Variants in RNF220 observed in about 807,000 individuals in gnomAD.
The protein encoded by RNF220 is E3 ubiquitin-protein ligase RNF220.
Under a neutral mutation model 67.1 loss-of-function variants are expected in RNF220, and 7 were observed. The ratio of observed to expected loss-of-function variants is 0.10; its 90% CI spans 0.06 to 0.20. RNF220 has a LOEUF of 0.20. Ranked by LOEUF, RNF220 falls within the 10% of genes least tolerant of loss-of-function variation. The pLI, the probability that RNF220 is intolerant of heterozygous loss-of-function variation, is 1.00. For missense variants in RNF220, 565 were observed against 740.3 expected (o/e 0.76, Z 2.75); for synonymous variants, 270 against 283.2 (o/e 0.95, Z 0.47).
intron 2 of RNF220, among the ~76,000 whole-genome samples, chr1:44,439,389 T>C (rs1295961245): frequency 6.6e-6 from 1 of 152,092 alleles, no homozygotes; most frequent in Non-Finnish European, 1.5e-5. Context: ...TTCCATCTTT[T>C]TCTAATTGAT....
intron 2 of RNF220, among the ~76,000 whole-genome samples, chr1:44,422,335 T>A (rs571313688): frequency 7.4e-5 from 11 of 147,956 alleles, no homozygotes; most frequent in Admixed American, 2.0e-4. Flanking sequence ...GCAGTAAAAT[T>A]AAAAAAAAAA....
chr1:44,636,811 G>A (rs1038232147), intron 8 of RNF220, among the ~76,000 whole-genome samples: 13 of 152,236 alleles, frequency 8.5e-5, no homozygotes, highest in African/African-American at 2.9e-4. Context: ...ACAAAGGAGT[G>A]TGCAGGGCCC....
At chr1:44,625,618 A>G (rs953117620) in intron 4 of RNF220, among the ~76,000 whole-genome samples, 1 of 152,146 alleles carries the variant, frequency 6.6e-6, no homozygotes. Context: ...CCCAGTTTGC[A>G]GCTGAACAGG....
rs1210316061 is a variant in RNF220, at chr1:44,525,056, C to T, written c.626-89109C>T. 3.3e-5 allele frequency among the ~76,000 whole-genome samples: 5 copies of T among 152,140 alleles called. No homozygotes were observed. In the South Asian group the frequency reaches 8.3e-4, roughly 25 times the overall value. On this transcript the variant is annotated intron_variant, in intron 2 of 14. Transcript: ENST00000361799. ...AGGGCTGATAACAAGCAAAATTCTTCTCTGTGGGTTTCACTGGAAATGTGA... is the reference window on the plus strand; with the variant it reads ...AGGGCTGATAACAAGCAAAATTCTTTTCTGTGGGTTTCACTGGAAATGTGA...
intron 2 of RNF220, among the ~76,000 whole-genome samples, chr1:44,527,280 T>A (rs1164121174): frequency 6.6e-6 from 1 of 151,970 alleles, no homozygotes; most frequent in African/African-American, 2.4e-5. Context: ...ATCAGCACCA[T>A]CTAACCACAC....
At chr1:44,612,776 A>G (rs1393462779) in intron 2 of RNF220, among the ~76,000 whole-genome samples, 3 of 151,272 alleles carry the variant, frequency 2.0e-5, no homozygotes, top group Non-Finnish European at 4.4e-5. Flanking sequence ...AAAAAAATTT[A>G]TTATCTGAAA....
intron 2 of RNF220, among the ~76,000 whole-genome samples, chr1:44,527,941 A>AG (rs1171418640): frequency 2.0e-5 from 3 of 149,440 alleles, no homozygotes. Context: ...AAAAAAAAAA[A>AG]AAAAAAAAAA....
chr1:44,463,250 G>A (rs376267383), intron 2 of RNF220, among the ~76,000 whole-genome samples: 2 of 151,418 alleles, frequency 1.3e-5, no homozygotes, highest in Non-Finnish European at 1.5e-5. Flanking sequence ...CAGAAGAATC[G>A]TTTCAACCCG....
chr1:44,644,373 G>C, intron 8 of RNF220: 1 of 258,332 alleles, frequency 3.9e-6, no homozygotes, highest in Admixed American at 4.9e-5. Context: ...TCCTCTTACT[G>C]TTCTTCCTAG....
At chr1:44,429,645 A>C (rs1650147786) in intron 2 of RNF220, among the ~76,000 whole-genome samples, 1 of 152,226 alleles carries the variant, frequency 6.6e-6, no homozygotes, top group South Asian at 2.1e-4. Context: ...GGAAAACTTG[A>C]AGATGGAGGT....
At chr1:44,494,677 T>C (rs572161487) in intron 2 of RNF220, among the ~76,000 whole-genome samples, 4 of 152,284 alleles carry the variant, frequency 2.6e-5, no homozygotes, top group African/African-American at 9.6e-5. Flanking sequence ...GAAAAAAATA[T>C]CTGCAAAAGA....
intron 2 of RNF220, among the ~76,000 whole-genome samples, chr1:44,512,722 G>C (rs1382877738): frequency 6.6e-6 from 1 of 152,226 alleles, no homozygotes; most frequent in African/African-American, 2.4e-5. Context: ...GGCAGGAGTG[G>C]AGAGGCATGC....
At chr1:44,634,048 G>T (rs1644251092) in intron 6 of RNF220, among the ~76,000 whole-genome samples, 1 of 152,242 alleles carries the variant, frequency 6.6e-6, no homozygotes, top group South Asian at 2.1e-4. Flanking sequence ...CAAACTCCAT[G>T]CCCAGTTCTG....
chr1:44,643,071 C>T (rs1044133652), intron 8 of RNF220: 1 of 152,530 alleles, frequency 6.6e-6, no homozygotes, highest in Non-Finnish European at 1.5e-5. Context: ...TGCTGCTGAC[C>T]TGACCTGCCT....
intron 2 of RNF220, among the ~76,000 whole-genome samples, chr1:44,524,327 A>G (rs1660187688): frequency 6.6e-6 from 1 of 151,930 alleles, no homozygotes. Context: ...GCAGGGTGAG[A>G]GCCCACCCTC....
intron 2 of RNF220, among the ~76,000 whole-genome samples, chr1:44,486,784 C>T (rs1233216070): frequency 6.6e-6 from 1 of 152,130 alleles, no homozygotes; most frequent in Non-Finnish European, 1.5e-5. Context: ...CCACCACCTC[C>T]TAGCTGTGTG....
intron 2 of RNF220, among the ~76,000 whole-genome samples, chr1:44,452,404 A>T (rs1652780167): frequency 6.6e-6 from 1 of 151,970 alleles, no homozygotes; most frequent in South Asian, 2.1e-4. Context: ...AAATACAAAA[A>T]TTAGCCGGGC....
intron 3 of RNF220, among the ~76,000 whole-genome samples, chr1:44,620,296 G>C (rs755521690): frequency 6.6e-6 from 1 of 152,212 alleles, no homozygotes; most frequent in African/African-American, 2.4e-5. Flanking sequence ...GATAACACAT[G>C]TTAAGGCCTG....
intron 2 of RNF220, among the ~76,000 whole-genome samples, chr1:44,480,974 C>G (rs1655752276): frequency 6.6e-6 from 1 of 152,150 alleles, no homozygotes; most frequent in Non-Finnish European, 1.5e-5. Flanking sequence ...TACATGTCTT[C>G]AGGATTTGGC....
Sources: gnomAD v4.1 joint callset for allele counts (sites outside exome capture counted in the v4.1 genomes callset) on GRCh38, gnomAD v4.1.1 for gene constraint, MANE v1.5 for transcripts, NCBI Gene and HGNC (gene_info 2026-07-23, HGNC 2026-07-21) for gene names.